The following RMDN1 variants were observed in gnomAD, a reference collection of about 807,000 sequenced individuals.
RMDN1 encodes the protein regulator of microtubule dynamics 1.
A neutral mutation model predicts 48.9 loss-of-function variants in RMDN1; 48 were observed. The observed-to-expected ratio is 0.98, with a 90% confidence interval of 0.78 to 1.25. The LOEUF (loss-of-function observed/expected upper bound fraction) is 1.25. Among genes scored for constraint, RMDN1 ranks in the 50% most tolerant of loss-of-function variants. The pLI is 0.00. For missense variants in RMDN1, 418 were observed against 373.4 expected, an observed-to-expected ratio of 1.12 and a Z score of -0.98; for synonymous variants, 148 against 132.6, an observed-to-expected ratio of 1.12 and a Z score of -0.80.
intron 2 of RMDN1, among the ~76,000 whole-genome samples, chr8:86,498,950 C>A (rs1238200874): frequency 2.6e-5 from 4 of 152,038 alleles, no homozygotes; most frequent in Admixed American, 1.3e-4. Flanking sequence ...AGAAACAGAA[C>A]TAAAAACAAA....
intron 9 of RMDN1, 36 bp from the exon 10 acceptor site, chr8:86,474,394 A>G: frequency 3.3e-6 from 5 of 1,497,128 alleles, no homozygotes; most frequent in Non-Finnish European, 4.6e-6. Flanking sequence ...AGTAAACAGG[A>G]GAGCTAAGAG....
At chr8:86,491,462 C>T (rs1396345873) in intron 2 of RMDN1, among the ~76,000 whole-genome samples, 1 of 152,194 alleles carries the variant, frequency 6.6e-6, no homozygotes, top group Non-Finnish European at 1.5e-5. Context: ...TATGGTACTA[C>T]AGACTGACAT....
downstream of RMDN1, chr8:86,470,116 A>T (rs1424137480): frequency 8.0e-7 from 1 of 1,244,010 alleles, no homozygotes; most frequent in East Asian, 5.7e-5. Flanking sequence ...CAAAATCAGT[A>T]TTCTACTCAT....
At chr8:86,471,849 C>G (rs987929748), downstream of RMDN1, among the ~76,000 whole-genome samples, 9 of 152,182 alleles carry the variant, frequency 5.9e-5, no homozygotes, top group African/African-American at 2.2e-4. Flanking sequence ...GAATCTATGA[C>G]AACCGGACTG....
Position 86,488,618 on chromosome 8 carries a change from G to A in RMDN1, c.269C>T (p.Ala90Val), listed in dbSNP as rs142480071. Residue 90 changes from alanine to valine, a missense_variant, in exon 3 of 10, where the codon GCA (alanine) becomes GTA (valine). By Grantham distance (64) the Ala-to-Val change is moderately conservative. Coordinates refer to ENST00000406452, the MANE Select transcript of RMDN1 (RefSeq NM_016033.3). ...TAKVEEILEQ[A>V]DYLYESGETE... ...TTCTCCGCTTTCATACAGGTAGTCT[G>A]CTTGTTCAAGTATTTCTTCAACTTC... 1.3e-4 allele frequency: 208 copies of A among 1,608,370 alleles called. No homozygotes were observed. Among genetic ancestry groups the A allele is most frequent in the Non-Finnish European group, 1.7e-4 (200 of 1,177,278 alleles).
At chr8:86,468,591 A>G (rs1046431091), downstream of RMDN1, 7 of 439,224 alleles carry the variant, frequency 1.6e-5, no homozygotes, top group Admixed American at 1.0e-4. Flanking sequence ...AATATCATTC[A>G]TTGTAGGTAT....
intron 2 of RMDN1, among the ~76,000 whole-genome samples, chr8:86,499,098 C>T (rs1278602435): frequency 1.3e-5 from 2 of 152,172 alleles, no homozygotes; most frequent in African/African-American, 4.8e-5. Flanking sequence ...CTATGACAAA[C>T]CCACAGCCAA....
At chr8:86,503,385 A>AAAAAAAAAACAAAAC (rs1554594088) in intron 2 of RMDN1, among the ~76,000 whole-genome samples, 16 of 81,030 alleles carry the variant, frequency 2.0e-4, no homozygotes, top group African/African-American at 7.5e-4. Flanking sequence ...AAAAAAAAAA[A>AAAAAAAAAACAAAAC]AAAACAAAAA....
intron 2 of RMDN1, among the ~76,000 whole-genome samples, chr8:86,501,497 A>T (rs1311750927): frequency 6.6e-6 from 1 of 151,992 alleles, no homozygotes; most frequent in Non-Finnish European, 1.5e-5. Flanking sequence ...ACATGGTGAA[A>T]CCTCGTCTCT....
rs1447300723 is a variant in RMDN1, at chr8:86,478,985, A to G, written c.667T>C (p.Trp223Arg). 8.1e-6 allele frequency: 13 copies of G among 1,613,976 alleles called. No individual in the cohort carries two copies. Among genetic ancestry groups the G allele is most frequent in the Non-Finnish European group, 1.1e-5 (13 of 1,179,842 alleles). ...ATTTTAGCAATTCTTCTTTGATACCAAGGCATTTCGGCAAATGTATAGCAC... is the reference window on the plus strand; with the variant it reads ...ATTTTAGCAATTCTTCTTTGATACCGAGGCATTTCGGCAAATGTATAGCAC... Reference protein sequence around the residue: ...IWCYTFAEMPWYQRRIAKMLF... With the variant: ...IWCYTFAEMPRYQRRIAKMLF... Residue 223 changes from tryptophan (W) to arginine (R), a missense_variant, in exon 7 of 10, where the codon TGG becomes CGG. By Grantham distance (101) the Trp-to-Arg change is moderately radical (BLOSUM62 -3). Coordinates refer to ENST00000406452, the MANE Select transcript of RMDN1 (RefSeq NM_016033.3).
At chr8:86,474,732 A>G in intron 9 of RMDN1, 88 bp downstream of exon 9, 1 of 1,198,996 alleles carries the variant, frequency 8.3e-7, no homozygotes, top group Non-Finnish European at 1.2e-6. Flanking sequence ...TTATGCATTT[A>G]GAAAATTATG....
chr8:86,502,037 A>G (rs1818321760), intron 2 of RMDN1, among the ~76,000 whole-genome samples: 1 of 152,196 alleles, frequency 6.6e-6, no homozygotes, highest in Non-Finnish European at 1.5e-5. Flanking sequence ...CATGTTCTCA[A>G]ATTCTTCTAT....
intron 2 of RMDN1, among the ~76,000 whole-genome samples, chr8:86,492,427 T>A (rs1022212052): frequency 6.6e-6 from 1 of 151,866 alleles, no homozygotes; most frequent in South Asian, 2.1e-4. Flanking sequence ...CCAAGGCGGG[T>A]GGATCACCTG....
At chr8:86,492,113 A>G (rs1816603114) in intron 2 of RMDN1, among the ~76,000 whole-genome samples, 1 of 152,212 alleles carries the variant, frequency 6.6e-6, no homozygotes, top group African/African-American at 2.4e-5. Context: ...AGGTTCATCA[A>G]TAAAGAGGAA....
chr8:86,478,965 A>C lies in RMDN1; in HGVS notation c.687T>G (p.Ala229=). 1 of 1,614,058 alleles carries C rather than the reference A, an allele frequency of 6.2e-7. No homozygotes were observed. Among genetic ancestry groups the C allele is most frequent in the South Asian group, 1.1e-5 (1 of 91,080 alleles). ...AEMPWYQRRI[A]KMLFATPPSS... ...TAGGAGGAGTTGCAAACAGCATTTT[A>C]GCAATTCTTCTTTGATACCAAGGCA... Residue 229 remains alanine (A), a synonymous_variant, in exon 7 of 10, where the codon GCT becomes GCG. Transcript: ENST00000406452.
Position 86,486,755 on chromosome 8 carries a change from T to A in RMDN1, c.336-112A>T, listed in dbSNP as rs1586663726. The A allele has an allele frequency of 2.0e-5, 14 of 696,376 alleles. No homozygotes were observed. The East Asian group carries it at 4.3e-4, about 22-fold the overall frequency. 43.1% of individuals were successfully genotyped at this position (696,376 alleles called of 1,614,324 possible). On this transcript the variant is annotated intron_variant, in intron 3 of 9. Transcript: ENST00000406452. ...CTTTCAGCTTAGGAAGCTAGCAACA[T>A]GATATCAAAAGCCATTAGTAATAAT...
rs529773654 is a variant in RMDN1 at position 86,485,434 on chromosome 8, A to G, written c.496-473T>C. ...AATGAGACTATGTCTAAAACAAAAC[A>G]AAACAAAACAAAAAAACCTCAGGGA... On this transcript the variant is annotated intron_variant, in intron 4 of 9. Transcript: ENST00000406452. Among the ~76,000 whole-genome samples, 5 of 152,246 alleles carry G rather than the reference A, an allele frequency of 3.3e-5. No homozygotes were observed. In the South Asian group the frequency reaches 1.0e-3, roughly 32 times the overall value.
chr8:86,501,225 G>GA (rs376051474), intron 2 of RMDN1, among the ~76,000 whole-genome samples: 1 of 151,944 alleles, frequency 6.6e-6, no homozygotes, highest in Admixed American at 6.6e-5. Context: ...AAATAAACAA[G>GA]AAAAAAATGG....
chr8:86,509,393 G>C (rs1272311928), upstream of RMDN1, among the ~76,000 whole-genome samples: 1 of 152,012 alleles, frequency 6.6e-6, no homozygotes, highest in Non-Finnish European at 1.5e-5. Flanking sequence ...AAAATTTCTT[G>C]CTCGAGTGGA....
Sources: gnomAD v4.1 joint callset for allele counts (sites outside exome capture counted in the v4.1 genomes callset) on GRCh38, gnomAD v4.1.1 for gene constraint, MANE v1.5 for transcripts, NCBI Gene and HGNC (gene_info 2026-07-23, HGNC 2026-07-21) for gene names.